Variants in CAST observed in about 807,000 individuals in gnomAD.
The protein encoded by CAST is calpastatin.
Under a neutral mutation model 119.6 loss-of-function variants are expected in CAST, and 76 were observed. That is an observed-to-expected ratio of 0.64 (90% CI 0.53 to 0.77). The LOEUF (loss-of-function observed/expected upper bound fraction) is 0.77, where lower values mean the gene tolerates loss of function less well. Ranked by LOEUF, CAST falls within the 30% of genes least tolerant of loss-of-function variation. The probability of loss-of-function intolerance (pLI) is 0.00; values close to 1 mark genes in which losing one functional copy is unlikely to be tolerated. For missense variants in CAST, 953 were observed against 946.5 expected (o/e 1.01, Z -0.09); for synonymous variants, 319 against 331.6 (o/e 0.96, Z 0.41).
At chr5:96,460,766 T>A in the CAST span, among the ~76,000 whole-genome samples, 2 of 152,284 alleles carry the variant, frequency 1.3e-5, no homozygotes, top group Middle Eastern at 6.8e-3. Flanking sequence ...AATTTTATAC[T>A]TGTTTGAGGT....
At chr5:96,603,382 T>C (rs985471136) in intron 1 of CAST, among the ~76,000 whole-genome samples, 7 of 152,210 alleles carry the variant, frequency 4.6e-5, no homozygotes, top group African/African-American at 7.2e-5. Context: ...AGCTTTTTTC[T>C]ATTTTTAAAT....
the CAST span, among the ~76,000 whole-genome samples, chr5:96,133,995 C>T: frequency 3.3e-5 from 5 of 152,168 alleles, no homozygotes; most frequent in South Asian, 2.1e-4. Flanking sequence ...GATGTGGGCA[C>T]ACATATTTGG....
chr5:96,564,543 C>T (rs778969655), intron 1 of CAST, among the ~76,000 whole-genome samples: 11 of 152,194 alleles, frequency 7.2e-5, no homozygotes, highest in Admixed American at 1.3e-4. Flanking sequence ...CTTGCTGTAA[C>T]GGAAGTCCTT....
intron 1 of CAST, among the ~76,000 whole-genome samples, chr5:96,536,833 A>AT (rs1745824622): frequency 1.1e-5 from 1 of 91,660 alleles, no homozygotes; most frequent in South Asian, 4.2e-4. Flanking sequence ...TAACAGTATA[A>AT]ATTTTTTTTA....
At chr5:96,364,855 C>T in the CAST span, among the ~76,000 whole-genome samples, 11 of 152,096 alleles carry the variant, frequency 7.2e-5, no homozygotes, top group African/African-American at 2.7e-4. Context: ...TTATTTCTTG[C>T]CTTCTGCTAG....
At chr5:96,136,608 C>T in the CAST span, among the ~76,000 whole-genome samples, 4 of 152,254 alleles carry the variant, frequency 2.6e-5, no homozygotes, top group East Asian at 7.7e-4. Flanking sequence ...TCTATATATA[C>T]ATATATGAAT....
At chr5:96,438,752 TA>T in the CAST span, among the ~76,000 whole-genome samples, 1 of 152,208 alleles carries the variant, frequency 6.6e-6, no homozygotes, top group East Asian at 1.9e-4. Context: ...TTCTCCACTG[TA>T]AAGTTACTAT....
At chr5:96,039,912 A>T in the CAST span, among the ~76,000 whole-genome samples, 1 of 152,146 alleles carries the variant, frequency 6.6e-6, no homozygotes, top group African/African-American at 2.4e-5. Flanking sequence ...CTGTGGAGAA[A>T]GTCAGTCATA....
the CAST span, among the ~76,000 whole-genome samples, chr5:96,475,864 A>G: frequency 3.9e-5 from 6 of 152,328 alleles, no homozygotes; most frequent in South Asian, 1.0e-3. Context: ...GTTGCAGGTC[A>G]CGGGTCACCC....
chr5:96,201,369 T>C, the CAST span, among the ~76,000 whole-genome samples: 1 of 152,146 alleles, frequency 6.6e-6, no homozygotes, highest in African/African-American at 2.4e-5. Context: ...AAAATAGTTA[T>C]CCTGGGATCC....
At chr5:96,108,577 C>G in the CAST span, among the ~76,000 whole-genome samples, 2 of 152,344 alleles carry the variant, frequency 1.3e-5, no homozygotes, top group East Asian at 1.9e-4. Context: ...GGCAGTGTGC[C>G]TGTTCTCAGA....
chr5:96,328,372 CTTCTCTCTCCCTCTCT>C, the CAST span, among the ~76,000 whole-genome samples: 3 of 9,788 alleles, frequency 3.1e-4, no homozygotes, highest in African/African-American at 1.6e-3. Context: ...TCTGTCTTTC[CTTCTCTCTCCCTCTCT>C]CTCTCTCTCT....
At chr5:96,335,575 A>AT in the CAST span, among the ~76,000 whole-genome samples, 11 of 151,826 alleles carry the variant, frequency 7.2e-5, no homozygotes, top group Admixed American at 7.2e-4. Flanking sequence ...TCTTGGGTGG[A>AT]TTTTTCTACA....
At chr5:96,603,997 T>C (rs1337738351) in intron 1 of CAST, among the ~76,000 whole-genome samples, 1 of 152,130 alleles carries the variant, frequency 6.6e-6, no homozygotes, top group Non-Finnish European at 1.5e-5. Flanking sequence ...ATTCCTGTGC[T>C]CAAGCAATCT....
intron 1 of CAST, among the ~76,000 whole-genome samples, chr5:96,559,576 C>A (rs1314958961): frequency 6.6e-6 from 1 of 152,048 alleles, no homozygotes; most frequent in African/African-American, 2.4e-5. Flanking sequence ...AAACAGAGAG[C>A]AAAATCATGA....
At chr5:96,579,707 T>C (rs149359956) in intron 1 of CAST, among the ~76,000 whole-genome samples, 1 of 152,318 alleles carries the variant, frequency 6.6e-6, no homozygotes, top group African/African-American at 2.4e-5. Flanking sequence ...AGCCATCTCT[T>C]GAGTAATTTC....
At chr5:96,451,889 A>G in the CAST span, among the ~76,000 whole-genome samples, 1 of 152,266 alleles carries the variant, frequency 6.6e-6, no homozygotes, top group Non-Finnish European at 1.5e-5. Context: ...AACATGAAAA[A>G]AGACTCATCA....
chr5:96,400,317 GTGTCTATTACTGTTCATATATCTTT>G, the CAST span: 18 of 715,754 alleles, frequency 2.5e-5, no homozygotes, highest in African/African-American at 1.7e-4. Context: ...TGTTATTCTA[GTGTCTATTACTGTTCATATATCTTT>G]TCATTCAGAA....
the CAST span, among the ~76,000 whole-genome samples, chr5:96,309,745 G>C: frequency 4.6e-5 from 7 of 152,200 alleles, no homozygotes; most frequent in African/African-American, 1.7e-4. Context: ...GTAAGGTGAT[G>C]CCCCACCCTG....
Sources: allele counts gnomAD v4.1 joint callset (sites outside exome capture counted in the v4.1 genomes callset), GRCh38; gene constraint gnomAD v4.1.1; transcripts MANE v1.5; gene names NCBI Gene and HGNC (gene_info 2026-07-23, HGNC 2026-07-21).